The following ELOVL7 variants were observed in gnomAD, a reference collection of about 807,000 sequenced individuals.
The protein encoded by ELOVL7 is ELOVL fatty acid elongase 7, also known as very long chain fatty acid elongase 7.
ELOVL7 carries 27 observed loss-of-function variants against 35.7 expected under a neutral mutation model. The observed-to-expected ratio is 0.76, with a 90% CI of 0.56 to 1.04. The LOEUF (loss-of-function observed/expected upper bound fraction) is 1.04. ELOVL7 is among the 50% of genes least tolerant of loss of function. ELOVL7 has a pLI of 0.00. For synonymous variants in ELOVL7, 113 were observed against 114.6 expected, an observed-to-expected ratio of 0.99 and a Z score of 0.09; for missense variants, 327 against 340.8, an observed-to-expected ratio of 0.96 and a Z score of 0.32.
At position 60,787,431 on chromosome 5, in the gene ELOVL7, T is replaced by A; in HGVS notation, c.-34A>T. 6.7e-7 allele frequency: 1 copy of A among 1,497,552 alleles called. No homozygotes were observed. Among genetic ancestry groups the A allele is most frequent in the South Asian group, 1.3e-5 (1 of 79,898 alleles). The allele number at this position is 1,497,552 out of a possible 1,614,324, so 92.8% of individuals were successfully genotyped here. A position where few individuals can be genotyped will look rare whatever the true frequency, so the allele number is the denominator to read the frequency against. On this transcript the variant is annotated splice_region_variant and 5_prime_UTR_variant, in exon 3 of 9. Transcript: ENST00000508821. Reference sequence around the variant, plus strand: ...GGATTTACTGGCTCTTTTAATGGGTTCTTCAGTAAAATAAAACAGAAATGA... The same window carrying A: ...GGATTTACTGGCTCTTTTAATGGGTACTTCAGTAAAATAAAACAGAAATGA...
intron 1 of ELOVL7, among the ~76,000 whole-genome samples, chr5:60,836,314 G>A (rs1011778247): frequency 4.0e-5 from 6 of 151,816 alleles, no homozygotes; most frequent in South Asian, 2.1e-4. Flanking sequence ...TGAATAATTC[G>A]TCATTGGACT....
At chr5:60,768,310 T>C (rs1358126105) in intron 4 of ELOVL7, among the ~76,000 whole-genome samples, 1 of 152,254 alleles carries the variant, frequency 6.6e-6, no homozygotes, top group Non-Finnish European at 1.5e-5. Context: ...CAGTCATTTC[T>C]AGCAATTTCC....
chr5:60,771,588 CTA>C (rs1314122281), intron 4 of ELOVL7, among the ~76,000 whole-genome samples: 1 of 152,148 alleles, frequency 6.6e-6, no homozygotes. Flanking sequence ...CACTTACCAG[CTA>C]TGTTACTTTA....
At chr5:60,843,891 C>T in intron 1 of ELOVL7, among the ~76,000 whole-genome samples, 1 of 152,054 alleles carries the variant, frequency 6.6e-6, no homozygotes, top group South Asian at 2.1e-4. Flanking sequence ...CGCCGCGGCC[C>T]CGCGCTCCGG....
chr5:60,772,134 A>C (rs1486103118), intron 3 of ELOVL7, 41 bp from the exon 4 acceptor site: 1 of 1,386,882 alleles, frequency 7.2e-7, no homozygotes, highest in Non-Finnish European at 9.8e-7. Context: ...CTGCTTAGCC[A>C]AGGGGTAACT....
rs763412609 is a variant in ELOVL7 at position 60,754,660 on chromosome 5, A to C, written c.810T>G (p.Thr270=). The C allele has an allele frequency of 6.2e-7, 1 of 1,614,066 alleles. No homozygotes were observed. The highest frequency in any genetic ancestry group is 1.1e-5 in the South Asian group (1 of 91,084). Residue 270 remains threonine (T), a synonymous_variant, in exon 9 of 9, where the codon ACT becomes ACG. Coordinates refer to ENST00000508821, the MANE Select transcript of ELOVL7 (RefSeq NM_024930.3). ...TGTTTTTGCAAGTTCCATTTTTCAC[A>C]GTTTTGGGCAACCTCTGACCTTTGG... ...AYTKGQRLPK[T]VKNGTCKNKD...
At chr5:60,816,367 C>A (rs1004377758) in intron 1 of ELOVL7, among the ~76,000 whole-genome samples, 1 of 128,426 alleles carries the variant, frequency 7.8e-6, no homozygotes, top group Admixed American at 8.2e-5. Flanking sequence ...AGCAACAGAG[C>A]GAGACTCCAT....
intron 1 of ELOVL7, among the ~76,000 whole-genome samples, chr5:60,816,482 G>A (rs977291194): frequency 3.9e-5 from 6 of 152,042 alleles, no homozygotes; most frequent in Non-Finnish European, 8.8e-5. Context: ...AAGACAAGGT[G>A]AACTCCTGGA....
At chr5:60,778,580 T>C (rs1743050148) in intron 3 of ELOVL7, among the ~76,000 whole-genome samples, 1 of 152,262 alleles carries the variant, frequency 6.6e-6, no homozygotes, top group Non-Finnish European at 1.5e-5. Context: ...GAAACAATCA[T>C]GAGAACAGCA....
At chr5:60,783,477 T>C (rs1274755874) in intron 3 of ELOVL7, among the ~76,000 whole-genome samples, 1 of 152,146 alleles carries the variant, frequency 6.6e-6, no homozygotes, top group South Asian at 2.1e-4. Flanking sequence ...TCCACTTCCA[T>C]GTAAGGTAGT....
intron 8 of ELOVL7, among the ~76,000 whole-genome samples, chr5:60,755,052 C>G (rs1054985096): frequency 1.3e-5 from 2 of 152,058 alleles, no homozygotes; most frequent in Admixed American, 6.5e-5. Context: ...ATTGCACAAC[C>G]GCAGGGTCTA....
chr5:60,837,850 G>A (rs1036381454), intron 1 of ELOVL7, among the ~76,000 whole-genome samples: 7 of 152,134 alleles, frequency 4.6e-5, no homozygotes, highest in African/African-American at 1.7e-4. Flanking sequence ...GCTGAGGCAG[G>A]AGAATTGCTT....
intron 3 of ELOVL7, among the ~76,000 whole-genome samples, chr5:60,779,330 AC>A (rs1367239146): frequency 6.6e-6 from 1 of 152,088 alleles, no homozygotes; most frequent in Non-Finnish European, 1.5e-5. Flanking sequence ...TTCCACATTG[AC>A]CTAGTAGAGG....
intron 3 of ELOVL7, among the ~76,000 whole-genome samples, chr5:60,775,752 G>C (rs1742865420): frequency 1.3e-5 from 2 of 152,156 alleles, no homozygotes; most frequent in Non-Finnish European, 2.9e-5. Flanking sequence ...TCAATAGATG[G>C]TGCTAGGAAA....
In ELOVL7 at chr5:60,752,859, C is replaced by A. The variant is rs1018397176; in HGVS notation, c.*1765G>T. 1 of 152,086 alleles carries A rather than the reference C, an allele frequency of 6.6e-6. No individual in the cohort carries two copies. The highest frequency in any genetic ancestry group is 1.5e-5 in the Non-Finnish European group (1 of 68,042). 9.4% of individuals were successfully genotyped at this position (152,086 alleles called of 1,614,324 possible). On this transcript the variant is annotated 3_prime_UTR_variant, in exon 9 of 9. Transcript: ENST00000508821. ...TTGGGAGGCTGAGACAGGAGAATCA[C>A]TTGAACCTGGGAGGCAGAGGTTGCA...
chr5:60,764,214 T>G lies in ELOVL7; in HGVS notation c.499+13A>C. 6.3e-7 allele frequency: 1 copy of G among 1,578,498 alleles called. No homozygotes were observed. The highest frequency in any genetic ancestry group is 8.7e-7 in the Non-Finnish European group (1 of 1,148,586). On this transcript the variant is annotated intron_variant, in intron 7 of 8. Coordinates refer to ENST00000508821, the MANE Select transcript of ELOVL7 (RefSeq NM_024930.3). Reference sequence around the variant, plus strand: ...TTGTTTATAACACATGATCCCAAATTTCCCTTGTCTACCTGCAGCAAATTT... The same window carrying G: ...TTGTTTATAACACATGATCCCAAATGTCCCTTGTCTACCTGCAGCAAATTT...
At chr5:60,800,014 G>A (rs1325126586) in intron 1 of ELOVL7, among the ~76,000 whole-genome samples, 1 of 134,758 alleles carries the variant, frequency 7.4e-6, no homozygotes, top group Non-Finnish European at 1.5e-5. Context: ...ACCAGCCTGG[G>A]CTCAAAACTC....
intron 1 of ELOVL7, among the ~76,000 whole-genome samples, chr5:60,813,495 C>T (rs1351054195): frequency 6.6e-6 from 1 of 152,092 alleles, no homozygotes; most frequent in African/African-American, 2.4e-5. Flanking sequence ...TTCTCAGCTC[C>T]ACTATCTGAC....
At position 60,767,839 on chromosome 5, in the gene ELOVL7, G is replaced by T; in HGVS notation, c.320C>A (p.Ser107Ter). The T allele has an allele frequency of 6.2e-7, 1 of 1,613,576 alleles. No homozygotes were observed. Among genetic ancestry groups the T allele is most frequent in the Non-Finnish European group, 8.5e-7 (1 of 1,179,618 alleles). ...GAAACTTACCCTCAAAGCTGTGGGT[G>T]ACCGTGAATAGTCAACAATGTCACA... ...FRCDIVDYSR[S>*]PTALRMARTC... Residue 107 changes from serine (S) to a stop codon, truncating the protein, a stop_gained, in exon 5 of 9, where the codon TCA (serine) becomes TAA (stop). Coordinates refer to ENST00000508821, the MANE Select transcript of ELOVL7 (RefSeq NM_024930.3). LOFTEE classifies it high-confidence loss of function.
Sources: gnomAD v4.1 joint callset for allele counts (sites outside exome capture counted in the v4.1 genomes callset) on GRCh38, gnomAD v4.1.1 for gene constraint, MANE v1.5 for transcripts, NCBI Gene and HGNC (gene_info 2026-07-23, HGNC 2026-07-21) for gene names.